TBC1D16: variants seen among roughly 807,000 people sequenced by gnomAD.
TBC1D16 encodes the protein TBC1 domain family member 16.
TBC1D16 carries 58 observed loss-of-function variants against 74.7 expected under a neutral mutation model. That is an observed-to-expected ratio of 0.78 (90% CI 0.63 to 0.97). The LOEUF is 0.97. Among genes scored for constraint, TBC1D16 ranks in the 50% least tolerant of loss-of-function variants. The probability of loss-of-function intolerance (pLI) is 0.00; values close to 1 mark genes in which losing one functional copy is unlikely to be tolerated. For synonymous variants in TBC1D16, 493 were observed against 474.7 expected, an observed-to-expected ratio of 1.04 and a Z score of -0.50; for missense variants, 1,014 against 1,079.5, an observed-to-expected ratio of 0.94 and a Z score of 0.85.
intron 3 of TBC1D16, among the ~76,000 whole-genome samples, chr17:79,967,006 T>C (rs1357320878): frequency 6.6e-6 from 1 of 152,144 alleles, no homozygotes; most frequent in Non-Finnish European, 1.5e-5. Flanking sequence ...TCCAACAGCA[T>C]TTCAAAATAA....
At chr17:80,006,905 C>T (rs1352092649) in intron 3 of TBC1D16, among the ~76,000 whole-genome samples, 1 of 152,170 alleles carries the variant, frequency 6.6e-6, no homozygotes, top group African/African-American at 2.4e-5. Context: ...AAGCAATCCA[C>T]CCACCTTGGC....
At chr17:79,989,058 G>A (rs967381268) in intron 3 of TBC1D16, among the ~76,000 whole-genome samples, 4 of 152,160 alleles carry the variant, frequency 2.6e-5, no homozygotes, top group Non-Finnish European at 4.4e-5. Flanking sequence ...CTCCTCCATC[G>A]TCCAAGATAC....
At chr17:79,958,062 T>C (rs1486652629) in intron 3 of TBC1D16, among the ~76,000 whole-genome samples, 3 of 151,562 alleles carry the variant, frequency 2.0e-5, no homozygotes, top group African/African-American at 7.3e-5. Flanking sequence ...CCCAGGGTAA[T>C]GAAATAAATG....
At position 79,950,243 on chromosome 17, in the gene TBC1D16, C is replaced by T. The variant is rs548055276; in HGVS notation, c.1257+168G>A. ...TTTTTCAACGCAGCAGCTTTGATTG[C>T]TTTATCGGTGTGTTCACAGAGAGCC... On this transcript the variant is annotated intron_variant, in intron 6 of 11. Coordinates refer to ENST00000310924, the MANE Select transcript of TBC1D16 (RefSeq NM_019020.4). The surrounding 1 kb of genome is among the most constrained non-coding windows in gnomAD (Gnocchi z 4.6). Among the ~76,000 whole-genome samples the T allele has an allele frequency of 4.6e-5, 7 of 152,004 alleles. No individual in the cohort carries two copies. The South Asian group carries it at 1.5e-3, about 32-fold the overall frequency.
At chr17:80,016,010 C>CAA (rs60327293) in intron 1 of TBC1D16, among the ~76,000 whole-genome samples, 37 of 89,632 alleles carry the variant, frequency 4.1e-4, no homozygotes, top group Non-Finnish European at 5.2e-4. Context: ...GACTCCATCT[C>CAA]AAAAAAAAAA....
At chr17:80,004,963 C>T (rs578137484) in intron 3 of TBC1D16, among the ~76,000 whole-genome samples, 33 of 152,380 alleles carry the variant, frequency 2.2e-4, no homozygotes, top group African/African-American at 7.5e-4. Flanking sequence ...GCTTAAGCCA[C>T]GTGCCGGCCA....
Position 80,010,538 on chromosome 17 carries a change from A to G in TBC1D16, c.401T>C (p.Leu134Pro), listed in dbSNP as rs757974167. The change falls in exon 3 of 12, where the codon CTG becomes CCG. Residue 134 changes from leucine to proline, a missense_variant. Leu to Pro is a moderately conservative substitution (Grantham distance 98, BLOSUM62 -3). Transcript: ENST00000310924. The surrounding 1 kb of genome is among the most constrained non-coding windows in gnomAD (Gnocchi z 8.8). ...CAGGATGTCCTCATCTTTGGGGGTC[A>G]GGGTAGGCCGCAGCTCCGTCGGGGA... The part of the protein sequence containing the change: ...QPSPTELRPT[L>P]TPKDEDILVV... 6.2e-7 allele frequency: 1 copy of G among 1,610,326 alleles called. No individual in the cohort carries two copies. The highest frequency in any genetic ancestry group is 8.5e-7 in the Non-Finnish European group (1 of 1,178,732).
chr17:79,948,731 C>A (rs1358261512), intron 8 of TBC1D16, 141 bp downstream of exon 8: 2 of 1,163,134 alleles, frequency 1.7e-6, no homozygotes, highest in Non-Finnish European at 2.5e-6. Flanking sequence ...AGTAGCGTAT[C>A]CTTCACTTCT....
chr17:80,026,849 C>A (rs1258290497), intron 1 of TBC1D16, among the ~76,000 whole-genome samples: 2 of 149,432 alleles, frequency 1.3e-5, no homozygotes, highest in Non-Finnish European at 2.9e-5. Context: ...GAAGGCTGCC[C>A]CAGTATGGAA....
chr17:79,945,173 C>G, intron 9 of TBC1D16, 86 bp from the exon 10 acceptor site: 1 of 1,407,478 alleles, frequency 7.1e-7, no homozygotes, highest in Non-Finnish European at 9.5e-7. Context: ...GGGCCCTTCC[C>G]TGGGCCACCC....
At chr17:79,946,913 A>G (rs1406085366) in intron 9 of TBC1D16, among the ~76,000 whole-genome samples, 2 of 152,082 alleles carry the variant, frequency 1.3e-5, no homozygotes, top group Non-Finnish European at 2.9e-5. Flanking sequence ...TCTGCTCACA[A>G]TGCCAGCTTC....
At chr17:79,967,359 T>C (rs911993403) in intron 3 of TBC1D16, among the ~76,000 whole-genome samples, 2 of 151,744 alleles carry the variant, frequency 1.3e-5, no homozygotes, top group African/African-American at 4.8e-5. Context: ...TGATCTAGCA[T>C]ATAGAATATC....
At chr17:79,953,669 T>A (rs1018122057) in intron 3 of TBC1D16, among the ~76,000 whole-genome samples, 1 of 152,274 alleles carries the variant, frequency 6.6e-6, no homozygotes, top group Admixed American at 6.5e-5. Context: ...TTATTTTTTA[T>A]GAGTTTGTTA....
rs187243570 is a variant in TBC1D16 at position 79,981,478 on chromosome 17, G to A, written c.780-28660C>T. 4.6e-5 allele frequency among the ~76,000 whole-genome samples: 7 copies of A among 152,290 alleles called. No individual in the cohort carries two copies. The East Asian group carries it at 1.4e-3, about 29-fold the overall frequency. ...AGCCAGGGAAGCTCTGGGTGCCCCC[G>A]ACAAGTTTAACCCCTTCCTTCTTTG... On this transcript the variant is annotated intron_variant, in intron 3 of 11. Transcript: ENST00000310924. The surrounding 1 kb of genome is among the most constrained non-coding windows in gnomAD (Gnocchi z 6.9).
rs1491501708 is a variant in TBC1D16, at chr17:79,936,904, A to ATGTGTGTGTG, written c.*3954_*3955insCACACACACA. The ATGTGTGTGTG allele has an allele frequency of 2.9e-5, 2 of 68,838 alleles. No individual in the cohort carries two copies. Among genetic ancestry groups the ATGTGTGTGTG allele is most frequent in the African/African-American group, 9.8e-5 (2 of 20,316 alleles). The allele number at this position is 68,838 out of a possible 1,614,324, so 4.3% of individuals were successfully genotyped here. A position where few individuals can be genotyped will look rare whatever the true frequency, so the allele number is the denominator to read the frequency against. Reference sequence around the variant, plus strand: ...TGTGTGTGCATGCGTGCGTGTGTGCATGTGCGTGTGTGTGTGTGTGTGTGT... The same window carrying ATGTGTGTGTG: ...TGTGTGTGCATGCGTGCGTGTGTGCATGTGTGTGTGTGTGCGTGTGTGTGTGTGTGTGTGT... On this transcript the variant is annotated 3_prime_UTR_variant, in exon 12 of 12. Transcript: ENST00000310924.
chr17:80,028,905 C>T (rs2143392068), intron 1 of TBC1D16, among the ~76,000 whole-genome samples: 1 of 152,240 alleles, frequency 6.6e-6, no homozygotes, highest in South Asian at 2.1e-4. Context: ...AGCCACCGCC[C>T]CGAGCCGACC....
In TBC1D16 at chr17:79,942,081, G is replaced by A. The variant is rs199649005; in HGVS notation, c.2034C>T (p.Asn678=). ...TCACCTTCCGGAGAACGAGCTCCCC[G>A]TTCATGTGCATGGCCAGGTTTCCGA... is the stretch of plus-strand genomic sequence containing the variant. ...LHFGNLAMHM[N]GELVLRKARS... Residue 678 remains asparagine (N), a synonymous_variant, in exon 11 of 12, where the codon AAC becomes AAT. Transcript: ENST00000310924. The A allele has an allele frequency of 1.1e-4, 176 of 1,612,292 alleles. No individual in the cohort carries two copies. Among genetic ancestry groups the A allele is most frequent in the Middle Eastern group, 1.7e-4 (1 of 6,036 alleles).
Position 79,988,574 on chromosome 17 carries a change from G to A in TBC1D16, c.779+21586C>T, listed in dbSNP as rs894713027. On this transcript the variant is annotated intron_variant, in intron 3 of 11. Coordinates refer to ENST00000310924, the MANE Select transcript of TBC1D16 (RefSeq NM_019020.4). This position sits in a 1 kb window ranked among gnomAD's most constrained non-coding sequence, Gnocchi z 5.7. ...TCGGCAAGCCAGGGTCCTGGTGAAC[G>A]CACGTGCCTGCGTTCTGTACCAAAC... 6.6e-6 allele frequency among the ~76,000 whole-genome samples: 1 copy of A among 152,212 alleles called. No homozygotes were observed. The highest frequency in any genetic ancestry group is 1.5e-5 in the Non-Finnish European group (1 of 68,038).
In TBC1D16 at chr17:79,993,801, G is replaced by A. The variant is rs2035165787; in HGVS notation, c.779+16359C>T. Among the ~76,000 whole-genome samples the A allele has an allele frequency of 6.6e-6, 1 of 152,156 alleles. No individual in the cohort carries two copies. The highest frequency in any genetic ancestry group is 1.5e-5 in the Non-Finnish European group (1 of 68,020). ...GCCCCTGCCAGGGCTGTTGATGCAA[G>A]AGCTGGGGCTCGGGAGCCTCCCAAG... On this transcript the variant is annotated intron_variant, in intron 3 of 11. Coordinates refer to ENST00000310924, the MANE Select transcript of TBC1D16 (RefSeq NM_019020.4). This position sits in a 1 kb window ranked among gnomAD's most constrained non-coding sequence, Gnocchi z 5.1.
Sources: gnomAD v4.1 joint callset for allele counts (sites outside exome capture counted in the v4.1 genomes callset) on GRCh38, gnomAD v4.1.1 for gene constraint, Gnocchi (gnomAD v3.1) non-coding constraint, MANE v1.5 for transcripts, NCBI Gene and HGNC (gene_info 2026-07-23, HGNC 2026-07-21) for gene names.